ANKAR: variants seen among roughly 807,000 people sequenced by gnomAD.
ANKAR encodes the protein ankyrin and armadillo repeat containing.
ANKAR carries 136 observed loss-of-function variants against 146.2 expected under a neutral mutation model. The ratio of observed to expected loss-of-function variants is 0.93; its 90% CI spans 0.81 to 1.07. ANKAR has a LOEUF of 1.07. Ranked by LOEUF, ANKAR falls within the 50% of genes least tolerant of loss-of-function variation. The probability of loss-of-function intolerance (pLI) is 0.00; values close to 1 mark genes in which losing one functional copy is unlikely to be tolerated. For missense variants in ANKAR, 1,567 were observed against 1,679.9 expected (o/e 0.93, Z 1.18); for synonymous variants, 500 against 575.8 (o/e 0.87, Z 1.88).
Position 189,689,975 on chromosome 2 carries a change from C to A in ANKAR, c.1039+11C>A. On this transcript the variant is annotated intron_variant, in intron 3 of 22. Transcript: ENST00000684021. ...TTCAGCCTTTTTCAGGTAAGAGTATCACCAAAAATCAAATATAAAATATAG... is the reference window on the plus strand; with the variant it reads ...TTCAGCCTTTTTCAGGTAAGAGTATAACCAAAAATCAAATATAAAATATAG... The A allele has an allele frequency of 1.4e-6, 2 of 1,463,126 alleles. No homozygotes were observed. Among genetic ancestry groups the A allele is most frequent in the South Asian group, 1.6e-5 (1 of 62,968 alleles). The allele number at this position is 1,463,126 out of a possible 1,614,324, so 90.6% of individuals were successfully genotyped here. A position where few individuals can be genotyped will look rare whatever the true frequency, so the allele number is the denominator to read the frequency against.
intron 10 of ANKAR, among the ~76,000 whole-genome samples, chr2:189,711,674 A>G (rs1343563395): frequency 6.6e-6 from 1 of 152,216 alleles, no homozygotes; most frequent in Non-Finnish European, 1.5e-5. Context: ...AGCTCCCAGC[A>G]TGATCGGCGC....
chr2:189,754,813 G>A, intron 18 of ANKAR: 1 of 258,822 alleles, frequency 3.9e-6, no homozygotes. Flanking sequence ...TCTGTGCATT[G>A]CATCTTTAAT....
At chr2:189,745,030 A>ACTACTACTAC (rs1380926394) in intron 22 of ANKAR, among the ~76,000 whole-genome samples, 6,332 of 64,962 alleles carry the variant, frequency 0.097, 216 homozygotes, top group Middle Eastern at 0.22. Context: ...ACTACTACTA[A>ACTACTACTAC]TAATACAAAA....
At chr2:189,727,371 CA>C (rs60324294) in intron 12 of ANKAR, among the ~76,000 whole-genome samples, 149,046 of 151,870 alleles carry the variant, frequency 0.98, 73,194 homozygotes, top group South Asian at 1. Context: ...AATTCCTCTA[CA>C]AAAAACACAA....
intron 2 of ANKAR, among the ~76,000 whole-genome samples, chr2:189,684,829 CAAAA>C (rs71023709): frequency 4.6e-5 from 5 of 108,044 alleles, no homozygotes; most frequent in Non-Finnish European, 1.9e-5. Flanking sequence ...GACCCTGTCT[CAAAA>C]AAAAAAAAAA....
At chr2:189,738,959 A>G (rs1255109080) in intron 19 of ANKAR, among the ~76,000 whole-genome samples, 3 of 152,186 alleles carry the variant, frequency 2.0e-5, no homozygotes, top group Admixed American at 6.5e-5. Flanking sequence ...CAAGATATAA[A>G]TGAGAATTCA....
chr2:189,705,149 T>G lies in ANKAR; in HGVS notation c.1835T>G (p.Phe612Cys). 2 of 1,614,204 alleles carry G rather than the reference T, an allele frequency of 1.2e-6. No individual in the cohort carries two copies. The highest frequency in any genetic ancestry group is 2.2e-5 in the South Asian group (2 of 91,088). The change falls in exon 8 of 23, where the codon TTC becomes TGC. Residue 612 changes from phenylalanine to cysteine, a missense_variant. Physicochemically the swap from Phe to Cys is radical, Grantham distance 205 (BLOSUM62 -2). Coordinates refer to ENST00000684021, the MANE Select transcript of ANKAR (RefSeq NM_001378068.1). ...TGGATGCCGATTCACTTTGCCGCTT[T>G]CTATGACAACGTTTGCATCATTATT... is the stretch of plus-strand genomic sequence containing the variant. ...RGWMPIHFAA[F>C]YDNVCIIIAL...
chr2:189,745,702 A>T (rs1483250700), intron 22 of ANKAR, among the ~76,000 whole-genome samples: 1 of 152,258 alleles, frequency 6.6e-6, no homozygotes, highest in Non-Finnish European at 1.5e-5. Context: ...GGATAGAAAC[A>T]TTCAGAAGTC....
intron 22 of ANKAR, among the ~76,000 whole-genome samples, chr2:189,745,243 T>C (rs1330583571): frequency 6.6e-6 from 1 of 152,052 alleles, no homozygotes; most frequent in Non-Finnish European, 1.5e-5. Flanking sequence ...CATACTTCTC[T>C]TTTGTAATTC....
intron 15 of ANKAR, among the ~76,000 whole-genome samples, chr2:189,729,695 C>CGTGTGTGTGTGTGTGTGTGTGTGTGTGT (rs139823318): frequency 0.043 from 4,024 of 94,098 alleles, 112 homozygotes; most frequent in Non-Finnish European, 0.061. Context: ...ATCAGCTGTG[C>CGTGTGTGTGTGTGTGTGTGTGTGTGTGT]GTGTGTGTGT....
At chr2:189,746,747 C>T (rs903762694), downstream of ANKAR, 19 of 1,101,604 alleles carry the variant, frequency 1.7e-5, no homozygotes, top group African/African-American at 6.5e-5. Context: ...TTCTTGATCT[C>T]GATACTAAGC....
At chr2:189,734,753 CAGG>C (rs2042691990) in intron 17 of ANKAR, among the ~76,000 whole-genome samples, 2 of 152,058 alleles carry the variant, frequency 1.3e-5, no homozygotes, top group African/African-American at 4.8e-5. Flanking sequence ...CGCTTGAGAT[CAGG>C]AGTTCGAGAC....
intron 2 of ANKAR, among the ~76,000 whole-genome samples, chr2:189,678,535 C>T (rs1559049203): frequency 6.6e-6 from 1 of 152,082 alleles, no homozygotes; most frequent in Non-Finnish European, 1.5e-5. Flanking sequence ...AAGGGTTTGT[C>T]CGAGTTATCT....
intron 17 of ANKAR, among the ~76,000 whole-genome samples, chr2:189,737,131 C>A (rs1442792544): frequency 8.9e-4 from 5 of 5,608 alleles, no homozygotes; most frequent in African/African-American, 1.0e-3. Flanking sequence ...TGAATGAGTT[C>A]TTTCTGTTGT....
At chr2:189,684,160 A>G (rs2035165996) in intron 2 of ANKAR, among the ~76,000 whole-genome samples, 1 of 152,136 alleles carries the variant, frequency 6.6e-6, no homozygotes, top group South Asian at 2.1e-4. Flanking sequence ...AAATATTGAG[A>G]AAAAATGGGA....
intron 12 of ANKAR, 146 bp from the exon 13 acceptor site, chr2:189,727,710 C>T (rs1185039589): frequency 8.4e-6 from 8 of 955,388 alleles, no homozygotes; most frequent in Non-Finnish European, 1.0e-5. Flanking sequence ...TAAATCTAGC[C>T]AGTTTTGTTT....
chr2:189,706,565 T>C (rs1288870055), intron 8 of ANKAR, among the ~76,000 whole-genome samples: 1 of 152,210 alleles, frequency 6.6e-6, no homozygotes, highest in African/African-American at 2.4e-5. Context: ...GTAATGGGTG[T>C]AATTAATTCC....
Position 189,696,219 on chromosome 2 carries a change from A to G in ANKAR, c.1558A>G (p.Lys520Glu), listed in dbSNP as rs2037182635. 6.2e-7 allele frequency: 1 copy of G among 1,614,020 alleles called. No homozygotes were observed. The highest frequency in any genetic ancestry group is 8.5e-7 in the Non-Finnish European group (1 of 1,180,012). ...LSAVFHTFSRKTSSSTINVSD... is the reference protein window; with the variant it reads ...LSAVFHTFSRETSSSTINVSD... ...TGCAGTTTTCCACACATTTAGCCGT[A>G]AAACCTCAAGCTCAACAATCAATGT... Residue 520 changes from lysine (K) to glutamate (E), a missense_variant, in exon 7 of 23, where the codon AAA becomes GAA. Lys to Glu is a moderately conservative substitution (Grantham distance 56). Transcript: ENST00000684021.
intron 12 of ANKAR, among the ~76,000 whole-genome samples, chr2:189,724,155 G>A (rs2041611873): frequency 6.6e-6 from 1 of 152,074 alleles, no homozygotes; most frequent in Non-Finnish European, 1.5e-5. Context: ...GTTGGCCATG[G>A]GTAGAGGAAT....
Sources: gnomAD v4.1 joint callset for allele counts (sites outside exome capture counted in the v4.1 genomes callset) on GRCh38, gnomAD v4.1.1 for gene constraint, MANE v1.5 for transcripts, NCBI Gene and HGNC (gene_info 2026-07-23, HGNC 2026-07-21) for gene names.